The following CAPN8 variants were observed in gnomAD, a reference collection of about 807,000 sequenced individuals.
The protein encoded by CAPN8 is calpain 8.
In CAPN8, 87 loss-of-function variants were observed where a neutral mutation model predicts 80.9. That is an observed-to-expected ratio of 1.07 (90% confidence interval 0.90 to 1.28). The LOEUF is 1.28. CAPN8 is among the 50% of genes most tolerant of loss of function. The probability of loss-of-function intolerance (pLI) is 0.00; values close to 1 mark genes in which losing one functional copy is unlikely to be tolerated. For synonymous variants in CAPN8, 299 were observed against 273.8 expected (o/e 1.09, Z -0.91); for missense variants, 757 against 702.0 (o/e 1.08, Z -0.89).
chr1:223,658,397 G>GT (rs1035132517), intron 1 of CAPN8, among the ~76,000 whole-genome samples: 4 of 152,106 alleles, frequency 2.6e-5, no homozygotes, highest in African/African-American at 7.2e-5. Context: ...ATTTTACTAC[G>GT]TGGTACTCAG....
chr1:223,615,566 G>A (rs1657145041), intron 10 of CAPN8, among the ~76,000 whole-genome samples: 1 of 152,146 alleles, frequency 6.6e-6, no homozygotes, highest in Non-Finnish European at 1.5e-5. Context: ...AGTTGTCTTT[G>A]GCTCCCATAT....
rs542637052 is a variant in CAPN8, at chr1:223,541,768, T to C, written c.*68A>G. The C allele has an allele frequency of 9.7e-6, 15 of 1,550,930 alleles. No homozygotes were observed. In the East Asian group the frequency reaches 3.7e-4, roughly 38 times the overall value. On this transcript the variant is annotated 3_prime_UTR_variant, in exon 21 of 21. Coordinates refer to ENST00000366872, the MANE Select transcript of CAPN8 (RefSeq NM_001143962.2). ...CACTGGAGCATAAATGTTCACAAAATTGTAGAGAAGGGGTGACAAGAAGCA... is the reference window on the plus strand; with the variant it reads ...CACTGGAGCATAAATGTTCACAAAACTGTAGAGAAGGGGTGACAAGAAGCA...
rs1348316110 is a variant in CAPN8 at position 223,628,789 on chromosome 1, T to A, written c.308-9A>T. On this transcript the variant is annotated splice_polypyrimidine_tract_variant and intron_variant, in intron 2 of 20. Coordinates refer to ENST00000366872, the MANE Select transcript of CAPN8 (RefSeq NM_001143962.2). ...CAGAAGCCAGCAGTCACCTGCACAG[T>A]GTCACAGGGGACACAGATTGGTCAG... is the stretch of plus-strand genomic sequence containing the variant. 1 of 1,550,962 alleles carries A rather than the reference T, an allele frequency of 6.4e-7. No homozygotes were observed. Among genetic ancestry groups the A allele is most frequent in the African/African-American group, 1.4e-5 (1 of 73,116 alleles).
intron 2 of CAPN8, among the ~76,000 whole-genome samples, chr1:223,642,384 G>A (rs1025911987): frequency 6.6e-6 from 1 of 152,204 alleles, no homozygotes. Flanking sequence ...ATATAATAAG[G>A]CACACTAATC....
rs553969720 is a variant in CAPN8 at position 223,619,259 on chromosome 1, G to A, written c.1135+34C>T. 3.2e-6 allele frequency: 5 copies of A among 1,549,798 alleles called. No individual in the cohort carries two copies. The African/African-American group carries it at 4.1e-5, about 13-fold the overall frequency. ...GACCCAGCTCAGGGAGGATAAGCTGGAGGAGGTTGGGCCAAGGCAGCCCTT... is the reference window on the plus strand; with the variant it reads ...GACCCAGCTCAGGGAGGATAAGCTGAAGGAGGTTGGGCCAAGGCAGCCCTT... On this transcript the variant is annotated intron_variant, in intron 9 of 20. Coordinates refer to ENST00000366872, the MANE Select transcript of CAPN8 (RefSeq NM_001143962.2).
At chr1:223,618,625 G>C (rs144799633) in intron 9 of CAPN8, among the ~76,000 whole-genome samples, 244 of 152,358 alleles carry the variant, frequency 1.6e-3, no homozygotes, top group African/African-American at 5.2e-3. Context: ...GTGGGGAGGG[G>C]AGTGGGGAGG....
At chr1:223,657,447 A>T (rs1571743012) in intron 1 of CAPN8, among the ~76,000 whole-genome samples, 1 of 152,190 alleles carries the variant, frequency 6.6e-6, no homozygotes, top group East Asian at 1.9e-4. Flanking sequence ...GGTTTGGAAG[A>T]ATCTCTTTTC....
intron 2 of CAPN8, among the ~76,000 whole-genome samples, chr1:223,633,723 A>T (rs1405172591): frequency 2.0e-5 from 3 of 152,332 alleles, no homozygotes; most frequent in Non-Finnish European, 4.4e-5. Flanking sequence ...AGACATTGTT[A>T]AAAAAGAATC....
chr1:223,626,709 T>C (rs1657590523), intron 5 of CAPN8, among the ~76,000 whole-genome samples: 1 of 152,208 alleles, frequency 6.6e-6, no homozygotes, highest in Non-Finnish European at 1.5e-5. Context: ...TCCTAGACTA[T>C]GTTCTTAGGG....
At chr1:223,630,774 C>G (rs1018128155) in intron 2 of CAPN8, among the ~76,000 whole-genome samples, 1 of 152,124 alleles carries the variant, frequency 6.6e-6, no homozygotes, top group Non-Finnish European at 1.5e-5. Context: ...ACCTGGTAGT[C>G]GAGGGAAACA....
At chr1:223,644,221 T>G in intron 2 of CAPN8, 1 of 370,516 alleles carries the variant, frequency 2.7e-6, no homozygotes, top group South Asian at 2.6e-5. Context: ...TAATACAAGG[T>G]TCATATACTC....
At chr1:223,609,412 A>T (rs1045341565) in intron 11 of CAPN8, 48 bp from the exon 12 acceptor site, 1 of 398,434 alleles carries the variant, frequency 2.5e-6, no homozygotes, top group African/African-American at 2.1e-5. Flanking sequence ...ATCCTGGAAG[A>T]TGAGAGCCCA....
chr1:223,545,209 C>A, intron 17 of CAPN8, 22 bp downstream of exon 17: 1 of 1,551,612 alleles, frequency 6.4e-7, no homozygotes, highest in East Asian at 2.4e-5. Flanking sequence ...GGAGAGGATG[C>A]CCAGAAGGAA....
chr1:223,614,449 C>G (rs369622915), intron 10 of CAPN8, among the ~76,000 whole-genome samples: 85 of 152,196 alleles, frequency 5.6e-4, no homozygotes, highest in African/African-American at 1.9e-3. Flanking sequence ...AGTAGCCCAC[C>G]CTGCAGCCAT....
chr1:223,552,299 C>G (rs1207735232), intron 14 of CAPN8, among the ~76,000 whole-genome samples: 1 of 152,178 alleles, frequency 6.6e-6, no homozygotes, highest in African/African-American at 2.4e-5. Context: ...CACGGTGGCT[C>G]ACACCTGTAA....
intron 9 of CAPN8, 29 bp downstream of exon 9, chr1:223,619,264 G>A (rs1467734797): frequency 1.3e-6 from 2 of 1,550,510 alleles, no homozygotes; most frequent in Admixed American, 3.9e-5. Flanking sequence ...AGCTGGAGGA[G>A]GTTGGGCCAA....
rs574469935 is a variant in CAPN8 at position 223,625,963 on chromosome 1, A to C, written c.730-75T>G. ...GCCGGCCGTAGAATGCTTTCCAAGG[A>C]CACACTACACAGCCACTGGGGGCTT... is the stretch of plus-strand genomic sequence containing the variant. On this transcript the variant is annotated intron_variant, in intron 5 of 20. Transcript: ENST00000366872. The C allele has an allele frequency of 2.2e-5, 26 of 1,173,092 alleles. No individual in the cohort carries two copies. The African/African-American group carries it at 3.4e-4, about 15-fold the overall frequency. The allele number at this position is 1,173,092 out of a possible 1,614,324, so 72.7% of individuals were successfully genotyped here.
intron 2 of CAPN8, chr1:223,629,070 A>T: frequency 2.5e-6 from 1 of 400,628 alleles, no homozygotes; most frequent in Non-Finnish European, 4.5e-6. Flanking sequence ...AGTGGAAAAG[A>T]AAAGAAGAGG....
At chr1:223,553,654 A>C (rs1446119424) in intron 14 of CAPN8, among the ~76,000 whole-genome samples, 178 bp downstream of exon 14, 3 of 152,178 alleles carry the variant, frequency 2.0e-5, no homozygotes, top group Admixed American at 1.3e-4. Context: ...CCAAGTGATG[A>C]AGGAAAGGTA....
Sources: allele counts gnomAD v4.1 joint callset (sites outside exome capture counted in the v4.1 genomes callset), GRCh38; gene constraint gnomAD v4.1.1; transcripts MANE v1.5; gene names NCBI Gene and HGNC (gene_info 2026-07-23, HGNC 2026-07-21).